MAGEA11: variants seen among roughly 807,000 people sequenced by gnomAD.
MAGEA11 encodes the protein melanoma-associated antigen 11.
Under a neutral mutation model 8.4 loss-of-function variants are expected in MAGEA11, and 1 was observed. The ratio of observed to expected loss-of-function variants is 0.12; its 90% confidence interval spans 0.04 to 0.57. The LOEUF (loss-of-function observed/expected upper bound fraction) is 0.57. Among genes scored for constraint, MAGEA11 ranks in the 20% least tolerant of loss-of-function variants. MAGEA11 has a pLI of 0.91. For synonymous variants in MAGEA11, 127 were observed against 119.3 expected, an observed-to-expected ratio of 1.06 and a Z score of -0.42; for missense variants, 209 against 317.3, an observed-to-expected ratio of 0.66 and a Z score of 2.59.
chrX:149,696,777 G>A (rs1557360579), intron 1 of MAGEA11, among the ~76,000 whole-genome samples: 1 of 111,398 alleles, frequency 9.0e-6, no homozygotes, highest in African/African-American at 3.3e-5. Context: ...GCCACTGCTG[G>A]CCCTGACACA....
In MAGEA11 at chrX:149,715,738, T is replaced by A. The variant is rs1273100912; in HGVS notation, c.267-15T>A. 1.7e-6 allele frequency: 2 copies of A among 1,199,742 alleles called. No individual in the cohort carries two copies. The highest frequency in any genetic ancestry group is 3.0e-5 in the East Asian group (1 of 33,699). The stretch of plus-strand genomic sequence containing the variant: ...ATCTCATCTGAGTCTGTTCTCACGC[T>A]CCCTCTCTCCCCAGGCTGTGGGGCC... On this transcript the variant is annotated splice_polypyrimidine_tract_variant and intron_variant, in intron 4 of 4. Transcript: ENST00000355220.
chrX:149,690,072 T>C (rs959813062), intron 1 of MAGEA11, among the ~76,000 whole-genome samples: 3 of 111,938 alleles, frequency 2.7e-5, no homozygotes, highest in Admixed American at 9.5e-5. Flanking sequence ...CTGCCTATCA[T>C]CACCAAACAG....
At chrX:149,714,815 C>T (rs1557362292) in intron 3 of MAGEA11, among the ~76,000 whole-genome samples, 2 of 111,005 alleles carry the variant, frequency 1.8e-5, no homozygotes, top group Non-Finnish European at 3.8e-5. Flanking sequence ...TGGGGGCTGA[C>T]GGGACAGCAC....
intron 1 of MAGEA11, among the ~76,000 whole-genome samples, chrX:149,696,812 G>A (rs1210747720): frequency 8.9e-6 from 1 of 111,871 alleles, no homozygotes; most frequent in African/African-American, 3.3e-5. Context: ...CTTTTACATG[G>A]CTTCTGGCCC....
chrX:149,715,849 G>A lies in MAGEA11; in HGVS notation c.363G>A (p.Lys121=). The change falls in exon 5 of 5, where the codon AAG becomes AAA. Residue 121 remains lysine (K), a synonymous_variant. Coordinates refer to ENST00000355220, the MANE Select transcript of MAGEA11 (RefSeq NM_005366.5). The part of the protein sequence containing the change: ...MPLEQRSQHC[K]PEEGLQAQEE... ...TTGAGCAAAGAAGTCAGCACTGCAA[G>A]CCTGAGGAAGGCCTTCAGGCCCAAG... The A allele has an allele frequency of 4.1e-6, 5 of 1,211,295 alleles. No homozygotes were observed. Among genetic ancestry groups the A allele is most frequent in the Non-Finnish European group, 4.5e-6 (4 of 895,317 alleles).
At chrX:149,715,525 C>T in intron 3 of MAGEA11, 79 bp from the exon 4 acceptor site, 2 of 695,347 alleles carry the variant, frequency 2.9e-6, no homozygotes, top group African/African-American at 2.1e-5. Flanking sequence ...TGCAACCTCA[C>T]CTGCCCTACC....
chrX:149,697,251 C>T (rs1473070531), intron 1 of MAGEA11, among the ~76,000 whole-genome samples: 1 of 111,100 alleles, frequency 9.0e-6, no homozygotes, highest in Non-Finnish European at 1.9e-5. Flanking sequence ...CCGCCTCTCT[C>T]CTCAAATTTC....
chrX:149,707,400 A>G (rs145890812), upstream of MAGEA11, among the ~76,000 whole-genome samples: 343 of 111,880 alleles, frequency 3.1e-3, 1 homozygote, highest in African/African-American at 0.011. Context: ...TAACTTCCAA[A>G]TCACCTTTGG....
At chrX:149,692,974 A>T (rs2090316489) in intron 1 of MAGEA11, among the ~76,000 whole-genome samples, 1 of 111,928 alleles carries the variant, frequency 8.9e-6, no homozygotes, top group African/African-American at 3.2e-5. Flanking sequence ...TTCCCCAGTC[A>T]TGTGGAACTG....
At chrX:149,700,730 A>C (rs12556632) in intron 1 of MAGEA11, among the ~76,000 whole-genome samples, 5,092 of 78,166 alleles carry the variant, frequency 0.065, 398 homozygotes, top group East Asian at 0.28. Context: ...CTGACCCCAC[A>C]ACAGTCCCCA....
upstream of MAGEA11, among the ~76,000 whole-genome samples, chrX:149,711,554 C>T (rs2090400175): frequency 9.0e-6 from 1 of 111,589 alleles, no homozygotes; most frequent in Non-Finnish European, 1.9e-5. Context: ...TTGGGCAATG[C>T]TCAGAGGTGA....
upstream of MAGEA11, among the ~76,000 whole-genome samples, chrX:149,688,440 C>G (rs2090295493): frequency 9.0e-6 from 1 of 111,641 alleles, no homozygotes; most frequent in South Asian, 3.8e-4. Flanking sequence ...TCCGAGGTCT[C>G]CTTCTGAGGC....
chrX:149,715,418 A>T (rs1434578902), intron 3 of MAGEA11, among the ~76,000 whole-genome samples, 186 bp from the exon 4 acceptor site: 3 of 111,430 alleles, frequency 2.7e-5, no homozygotes, highest in Non-Finnish European at 5.7e-5. Context: ...ATCTCAGAAC[A>T]CAGGAAGCCT....
rs376112940 is a variant in MAGEA11 at position 149,716,659 on chromosome X, C to T, written c.1173C>T (p.His391=). The T allele has an allele frequency of 5.3e-5, 64 of 1,210,118 alleles. No individual in the cohort carries two copies. In the African/African-American group the frequency reaches 6.8e-4, roughly 13 times the overall value. The change falls in exon 5 of 5, where the codon CAC becomes CAT. Residue 391 remains histidine (H), a synonymous_variant. Coordinates refer to ENST00000355220, the MANE Select transcript of MAGEA11 (RefSeq NM_005366.5). ...AGTTCCTGTGGGGTCCAAGGGCCCACGCTGAGACCAGCAAGATGAAAGTTC... is the reference window on the plus strand; with the variant it reads ...AGTTCCTGTGGGGTCCAAGGGCCCATGCTGAGACCAGCAAGATGAAAGTTC... ...CYEFLWGPRA[H]AETSKMKVLE...
At chrX:149,692,613 T>G (rs2090315033) in intron 1 of MAGEA11, among the ~76,000 whole-genome samples, 1 of 111,677 alleles carries the variant, frequency 9.0e-6, no homozygotes, top group South Asian at 3.7e-4. Context: ...GCCTCCCAAT[T>G]AATTATTTTA....
At chrX:149,706,035 G>C (rs886849603) in intron 1 of MAGEA11, among the ~76,000 whole-genome samples, 1 of 112,050 alleles carries the variant, frequency 8.9e-6, no homozygotes, top group South Asian at 3.7e-4. Flanking sequence ...CTTTCTGGAA[G>C]CACTCGGTTC....
chrX:149,702,769 C>T (rs2090360035), intron 1 of MAGEA11, among the ~76,000 whole-genome samples: 1 of 111,307 alleles, frequency 9.0e-6, no homozygotes, highest in Non-Finnish European at 1.9e-5. Context: ...TTCAATGCTA[C>T]CTTCCTTTGT....
At position 149,715,748 on chromosome X, in the gene MAGEA11, C is replaced by T. The variant is rs200012022; in HGVS notation, c.267-5C>T. 8.0e-4 allele frequency: 960 copies of T among 1,200,313 alleles called. No homozygotes were observed. Among genetic ancestry groups the T allele is most frequent in the Middle Eastern group, 5.6e-3 (24 of 4,284 alleles). On this transcript the variant is annotated splice_polypyrimidine_tract_variant and splice_region_variant and intron_variant, in intron 4 of 4. Coordinates refer to ENST00000355220, the MANE Select transcript of MAGEA11 (RefSeq NM_005366.5). The stretch of plus-strand genomic sequence containing the variant: ...AGTCTGTTCTCACGCTCCCTCTCTC[C>T]CCAGGCTGTGGGGCCCCATCACCCA...
chrX:149,712,570 C>A (rs1344068643), intron 1 of MAGEA11, among the ~76,000 whole-genome samples: 1 of 111,335 alleles, frequency 9.0e-6, no homozygotes, highest in Non-Finnish European at 1.9e-5. Flanking sequence ...CTGAGGGCAG[C>A]GGGCCCAGGC....
Sources: gnomAD v4.1 joint callset for allele counts (sites outside exome capture counted in the v4.1 genomes callset) on GRCh38, gnomAD v4.1.1 for gene constraint, MANE v1.5 for transcripts, NCBI Gene and HGNC (gene_info 2026-07-23, HGNC 2026-07-21) for gene names.